Variants in SSBP2 observed in about 807,000 individuals in gnomAD.
The protein encoded by SSBP2 is single stranded DNA binding protein 2, also known as single-stranded DNA-binding protein 2.
SSBP2 carries 17 observed loss-of-function variants against 61.8 expected under a neutral mutation model. That is an observed-to-expected ratio of 0.28 (90% CI 0.19 to 0.41). SSBP2 has a LOEUF of 0.41. Among genes scored for constraint, SSBP2 ranks in the 10% least tolerant of loss-of-function variants. The pLI, the probability that SSBP2 is intolerant of heterozygous loss-of-function variation, is 1.00. For missense variants in SSBP2, 310 were observed against 458.7 expected (o/e 0.68, Z 2.96); for synonymous variants, 139 against 141.3 (o/e 0.98, Z 0.12).
chr5:81,658,005 A>G (rs555012550), intron 1 of SSBP2, among the ~76,000 whole-genome samples: 61 of 152,292 alleles, frequency 4.0e-4, no homozygotes, highest in Admixed American at 2.2e-3. Context: ...TGACCAAATC[A>G]AGCTAATTAA....
chr5:81,620,356 T>A (rs1746454836), intron 3 of SSBP2, among the ~76,000 whole-genome samples: 1 of 141,344 alleles, frequency 7.1e-6, no homozygotes, highest in African/African-American at 2.7e-5. Context: ...CATTCACAAT[T>A]GCTTCAAAGA....
rs995895984 is a variant in SSBP2, at chr5:81,489,646, C to T, written c.373-337G>A. Among the ~76,000 whole-genome samples the T allele has an allele frequency of 2.0e-5, 3 of 151,938 alleles. No individual in the cohort carries two copies. The South Asian group carries it at 6.2e-4, about 32-fold the overall frequency. ...GCAGGCAATTTAATCTTAAAAAGGA[C>T]CTCTGGAGGCAGCTTACTGCCTATG... On this transcript the variant is annotated intron_variant, in intron 5 of 16. Transcript: ENST00000320672.
chr5:81,432,690 G>A (rs1030646020), intron 15 of SSBP2, among the ~76,000 whole-genome samples: 7 of 152,188 alleles, frequency 4.6e-5, no homozygotes, highest in Non-Finnish European at 7.3e-5. Context: ...AGGTTGCAGC[G>A]AGCCAAGATT....
chr5:81,532,669 A>G (rs1561509923), intron 4 of SSBP2, among the ~76,000 whole-genome samples: 1 of 151,996 alleles, frequency 6.6e-6, no homozygotes, highest in African/African-American at 2.4e-5. Context: ...AACTTTATGT[A>G]TAAGACAAAT....
chr5:81,690,494 T>C (rs141573773), intron 1 of SSBP2, among the ~76,000 whole-genome samples: 1 of 152,166 alleles, frequency 6.6e-6, no homozygotes, highest in African/African-American at 2.4e-5. Context: ...AGAAGGCCAT[T>C]ATATAATGAT....
chr5:81,628,928 C>T (rs189874088), intron 3 of SSBP2, among the ~76,000 whole-genome samples: 148 of 152,252 alleles, frequency 9.7e-4, no homozygotes, highest in African/African-American at 3.2e-3. Context: ...AACACTCCCA[C>T]TCTTCACCAA....
chr5:81,667,377 G>A (rs923504910), intron 1 of SSBP2, among the ~76,000 whole-genome samples: 1 of 150,714 alleles, frequency 6.6e-6, no homozygotes, highest in Non-Finnish European at 1.5e-5. Flanking sequence ...AGCAGGCAAA[G>A]AACCATTGCT....
At chr5:81,559,408 A>G (rs915217330) in intron 4 of SSBP2, among the ~76,000 whole-genome samples, 1 of 144,196 alleles carries the variant, frequency 6.9e-6, no homozygotes, top group African/African-American at 2.5e-5. Flanking sequence ...AAAAAAAATT[A>G]GCTGGGCATG....
chr5:81,677,224 T>C (rs1752050835), intron 1 of SSBP2, among the ~76,000 whole-genome samples: 2 of 152,130 alleles, frequency 1.3e-5, no homozygotes, highest in East Asian at 1.9e-4. Flanking sequence ...TAGTCCAGCA[T>C]ATAAGAAGCT....
intron 1 of SSBP2, 93 bp from the exon 2 acceptor site, chr5:81,650,432 C>T: frequency 1.2e-6 from 1 of 811,930 alleles, no homozygotes; most frequent in African/African-American, 1.8e-5. Flanking sequence ...ATATCTTACA[C>T]ACTAACAGTG....
chr5:81,453,298 C>A (rs547254503), intron 10 of SSBP2, among the ~76,000 whole-genome samples: 147 of 151,938 alleles, frequency 9.7e-4, no homozygotes, highest in Non-Finnish European at 1.7e-3. Context: ...CAGAGTGAGA[C>A]CCTGTCCCCC....
rs190566119 is a variant in SSBP2 at position 81,417,768 on chromosome 5, T to C, written c.*2736A>G. 6 of 152,308 alleles carry C rather than the reference T, an allele frequency of 3.9e-5. No homozygotes were observed. 9.4% of individuals were successfully genotyped at this position (152,308 alleles called of 1,614,324 possible). On this transcript the variant is annotated 3_prime_UTR_variant, in exon 17 of 17. Transcript: ENST00000320672. ...CATTCTGGGTTTCTTGGATACAATT[T>C]TCTCCTCAAAAATAATTTTTCAACT...
chr5:81,447,581 G>T (rs560491957), intron 11 of SSBP2, among the ~76,000 whole-genome samples: 33 of 152,130 alleles, frequency 2.2e-4, no homozygotes, highest in Non-Finnish European at 4.4e-4. Flanking sequence ...GGCTTTTTCA[G>T]ATGCTCTATG....
At chr5:81,463,646 G>C (rs1474318764) in intron 9 of SSBP2, among the ~76,000 whole-genome samples, 1 of 152,010 alleles carries the variant, frequency 6.6e-6, no homozygotes, top group Non-Finnish European at 1.5e-5. Context: ...GTTGCAGTGA[G>C]CCGAGATCAT....
rs1218369932 is a variant in SSBP2, at chr5:81,415,277, A to G, written c.*5227T>C. 2.0e-5 allele frequency: 3 copies of G among 152,232 alleles called. No individual in the cohort carries two copies. Among genetic ancestry groups the G allele is most frequent in the Non-Finnish European group, 2.9e-5 (2 of 68,050 alleles). The allele number at this position is 152,232 out of a possible 1,614,324, so 9.4% of individuals were successfully genotyped here. A position where few individuals can be genotyped will look rare whatever the true frequency, so the allele number is the denominator to read the frequency against. ...TTAATGTTTTCAAAGACAGAGAACT[A>G]CAGTTGTCCCTCCGTATCCAAGGGA... On this transcript the variant is annotated 3_prime_UTR_variant, in exon 17 of 17. Transcript: ENST00000320672.
chr5:81,548,681 G>A (rs551551954), intron 4 of SSBP2, among the ~76,000 whole-genome samples: 2 of 152,288 alleles, frequency 1.3e-5, no homozygotes, highest in South Asian at 4.1e-4. Context: ...CCAGCACTTT[G>A]GGAGGCCGAG....
intron 1 of SSBP2, among the ~76,000 whole-genome samples, chr5:81,664,756 G>C (rs890386211): frequency 6.6e-6 from 1 of 152,040 alleles, no homozygotes; most frequent in Non-Finnish European, 1.5e-5. Context: ...GTTTAATTGG[G>C]GTGACAGATT....
chr5:81,448,709 T>G lies in SSBP2; in HGVS notation c.723+81A>C, dbSNP rs145632266. On this transcript the variant is annotated intron_variant, in intron 11 of 16. Coordinates refer to ENST00000320672, the MANE Select transcript of SSBP2 (RefSeq NM_012446.5). ...CTTGGCCAATACACAGGGGCTCTTC[T>G]TAACATCTGGACAACTGTTTCATTG... The G allele has an allele frequency of 2.9e-4, 411 of 1,435,226 alleles. 1 individual carries two copies. In the African/African-American group the frequency reaches 4.9e-3, roughly 17 times the overall value. The allele number at this position is 1,435,226 out of a possible 1,614,324, so 88.9% of individuals were successfully genotyped here.
intron 3 of SSBP2, among the ~76,000 whole-genome samples, chr5:81,623,331 CTT>C (rs35687529): frequency 2.7e-5 from 3 of 110,578 alleles, no homozygotes; most frequent in African/African-American, 3.2e-5. Context: ...CATTGTAGTA[CTT>C]TTTTTTTTTT....
Sources: gnomAD v4.1 joint callset for allele counts (sites outside exome capture counted in the v4.1 genomes callset) on GRCh38, gnomAD v4.1.1 for gene constraint, MANE v1.5 for transcripts, NCBI Gene and HGNC (gene_info 2026-07-23, HGNC 2026-07-21) for gene names.